Variants in CCDC32 observed in about 807,000 individuals in gnomAD.
CCDC32 encodes the protein coiled-coil domain-containing protein 32.
A neutral mutation model predicts 20.1 loss-of-function variants in CCDC32; 9 were observed. That is an observed-to-expected ratio of 0.45 (90% CI 0.27 to 0.78). The LOEUF is 0.78. CCDC32 is among the 30% of genes least tolerant of loss of function. The pLI, the probability that CCDC32 is intolerant of heterozygous loss-of-function variation, is 0.16. For synonymous variants in CCDC32, 63 were observed against 79.0 expected (o/e 0.80, Z 1.07); for missense variants, 204 against 215.5 (o/e 0.95, Z 0.33).
intron 3 of CCDC32, among the ~76,000 whole-genome samples, chr15:40,545,727 C>T (rs1889591788): frequency 6.6e-6 from 1 of 152,154 alleles, no homozygotes; most frequent in African/African-American, 2.4e-5. Flanking sequence ...CCTGGCACCA[C>T]CACCTGCTAA....
At position 40,541,545 on chromosome 15, in the gene CCDC32, T is replaced by A. The variant is rs1036497663; in HGVS notation, c.402-2190A>T. On this transcript the variant is annotated intron_variant, in intron 3 of 3. Transcript: ENST00000558113. ...CATGGTTTTGCCATGTTGGCCAGGC[T>A]GGTCTCGAACTCCTGACCTCAGGTG... Among the ~76,000 whole-genome samples the A allele has an allele frequency of 5.9e-5, 9 of 152,182 alleles. 1 individual carries two copies. The highest frequency in any genetic ancestry group is 1.2e-4 in the Non-Finnish European group (8 of 68,022).
chr15:40,563,781 C>G (rs1391371131), intron 1 of CCDC32, among the ~76,000 whole-genome samples: 2 of 151,844 alleles, frequency 1.3e-5, no homozygotes, highest in Admixed American at 6.6e-5. Context: ...TGCAACAGTT[C>G]TATCTCCAGT....
At chr15:40,530,965 C>T (rs1288185592), downstream of CCDC32, among the ~76,000 whole-genome samples, 2 of 151,736 alleles carry the variant, frequency 1.3e-5, no homozygotes, top group Admixed American at 6.6e-5. Context: ...CCATCTCAGC[C>T]TTCAAAAGTG....
At chr15:40,554,259 A>G (rs937114048) in intron 3 of CCDC32, 132 bp from the exon 4 acceptor site, 18 of 1,298,212 alleles carry the variant, frequency 1.4e-5, no homozygotes, top group Non-Finnish European at 1.7e-5. Context: ...TTTCACTGCT[A>G]AACTGGGAAG....
intron 3 of CCDC32, among the ~76,000 whole-genome samples, chr15:40,546,320 T>G (rs1221870099): frequency 1.3e-5 from 2 of 152,000 alleles, no homozygotes; most frequent in African/African-American, 4.8e-5. Flanking sequence ...GCCTCCCAAG[T>G]AGCTGGGACC....
At chr15:40,539,442 G>T in intron 3 of CCDC32, 3 of 1,163,324 alleles carry the variant, frequency 2.6e-6, no homozygotes, top group Non-Finnish European at 3.7e-6. Context: ...AGAGAGACAG[G>T]CATACATAGG....
At chr15:40,540,539 T>A (rs1889348912) in intron 3 of CCDC32, among the ~76,000 whole-genome samples, 1 of 151,882 alleles carries the variant, frequency 6.6e-6, no homozygotes, top group Non-Finnish European at 1.5e-5. Flanking sequence ...GGGTAATTTT[T>A]TGTATTTTTA....
chr15:40,522,011 C>T, the CCDC32 span, among the ~76,000 whole-genome samples: 1 of 151,794 alleles, frequency 6.6e-6, no homozygotes, highest in Non-Finnish European at 1.5e-5. Context: ...GTGCTTTGGC[C>T]CATACCAAGG....
downstream of CCDC32, chr15:40,538,017 A>T (rs763506004): frequency 6.6e-6 from 1 of 152,168 alleles, no homozygotes; most frequent in Non-Finnish European, 1.5e-5. Flanking sequence ...ACTCATTTCA[A>T]ATAGTCTTTT....
downstream of CCDC32, chr15:40,532,284 A>G: frequency 4.3e-6 from 3 of 703,140 alleles, no homozygotes; most frequent in Non-Finnish European, 7.8e-6. Context: ...AGCAAATTCT[A>G]CTTTGCAATT....
At chr15:40,532,175 A>C, downstream of CCDC32, 1 of 621,796 alleles carries the variant, frequency 1.6e-6, no homozygotes, top group Non-Finnish European at 2.9e-6. Flanking sequence ...TTTCTTCATT[A>C]TTATACACAG....
chr15:40,537,051 C>G (rs1438326914), downstream of CCDC32: 5 of 152,204 alleles, frequency 3.3e-5, no homozygotes, highest in Admixed American at 1.3e-4. Flanking sequence ...TGGGCCTGGC[C>G]CAGAGCATGA....
Position 40,553,885 on chromosome 15 carries a change from G to T in CCDC32, c.*86C>A. ...ACTGAGCTCCACGCTGCTCGCTCTG[G>T]ACCCGAGACAGCTGCTCGGCGTGTG... On this transcript the variant is annotated 3_prime_UTR_variant, in exon 4 of 4. Transcript: ENST00000416810. The T allele has an allele frequency of 1.4e-6, 2 of 1,440,436 alleles. No individual in the cohort carries two copies. The highest frequency in any genetic ancestry group is 1.9e-6 in the Non-Finnish European group (2 of 1,076,410). 89.2% of individuals were successfully genotyped at this position (1,440,436 alleles called of 1,614,324 possible).
chr15:40,541,286 A>C (rs1280763105), intron 3 of CCDC32, among the ~76,000 whole-genome samples: 1 of 151,976 alleles, frequency 6.6e-6, no homozygotes, highest in East Asian at 1.9e-4. Context: ...GTGGAACTGC[A>C]GCCCAGATGT....
downstream of CCDC32, chr15:40,536,216 AAG>A (rs1037177053): frequency 2.0e-5 from 3 of 152,334 alleles, no homozygotes; most frequent in African/African-American, 7.2e-5. Flanking sequence ...GGGCTTCCAG[AAG>A]CACTAATGAG....
downstream of CCDC32, chr15:40,535,167 C>A: frequency 8.6e-7 from 1 of 1,159,090 alleles, no homozygotes; most frequent in Admixed American, 2.3e-5. Context: ...ATTAACGTGA[C>A]GGTGGCATAT....
Position 40,553,583 on chromosome 15 carries a change from CA to C in CCDC32, c.*387del. On this transcript the variant is annotated 3_prime_UTR_variant, in exon 4 of 4. Transcript: ENST00000416810. ...GGAAGAGGCAAGAAAATATATGGCT[CA>C]CTTAACTTACACATTACACATAAGA... is the stretch of plus-strand genomic sequence containing the variant. 1 of 999,186 alleles carries C rather than the reference CA, an allele frequency of 1.0e-6. No individual in the cohort carries two copies. Among genetic ancestry groups the C allele is most frequent in the Non-Finnish European group, 1.2e-6 (1 of 839,326 alleles). 61.9% of individuals were successfully genotyped at this position (999,186 alleles called of 1,614,324 possible).
At chr15:40,539,880 A>ACACACC (rs769226221) in intron 3 of CCDC32, among the ~76,000 whole-genome samples, 44 of 139,134 alleles carry the variant, frequency 3.2e-4, no homozygotes, top group Non-Finnish European at 5.1e-4. Flanking sequence ...ACACACACAC[A>ACACACC]CCCCGCTCCT....
Position 40,557,269 on chromosome 15 carries a change from G to A in CCDC32, c.348C>T (p.Leu116=). 1 of 1,614,166 alleles carries A rather than the reference G, an allele frequency of 6.2e-7. No individual in the cohort carries two copies. The highest frequency in any genetic ancestry group is 2.2e-5 in the East Asian group (1 of 44,882). Residue 116 remains leucine (L), a synonymous_variant, in exon 3 of 4, where the codon CTC becomes CTT. Transcript: ENST00000416810. The part of the protein sequence containing the change: ...QAKKECWDRF[L]QEKLASEFFV... Reference sequence around the variant, plus strand: ...AGAACTCTGAAGCTAACTTCTCCTGGAGGAACCGATCCCAGCATTCCTTCT... The same window carrying A: ...AGAACTCTGAAGCTAACTTCTCCTGAAGGAACCGATCCCAGCATTCCTTCT...
Sources: gnomAD v4.1 joint callset for allele counts (sites outside exome capture counted in the v4.1 genomes callset) on GRCh38, gnomAD v4.1.1 for gene constraint, MANE v1.5 for transcripts, NCBI Gene and HGNC (gene_info 2026-07-23, HGNC 2026-07-21) for gene names.